The following ZNF865 variants were observed in gnomAD, a reference collection of about 807,000 sequenced individuals.
ZNF865 encodes zinc finger protein 865.
For missense variants in ZNF865, 1,311 were observed against 1,593.4 expected (o/e 0.82, Z 3.02); for synonymous variants, 763 against 750.8 (o/e 1.02, Z -0.27).
intron 1 of ZNF865, among the ~76,000 whole-genome samples, chr19:55,606,356 A>AC (rs138216369): frequency 0.029 from 4,303 of 150,262 alleles, 97 homozygotes; most frequent in Middle Eastern, 0.058. Context: ...TTTCAAAGCC[A>AC]CCCCCCCATC....
At position 55,614,878 on chromosome 19, in the gene ZNF865, C is replaced by G; in HGVS notation, c.1260C>G (p.Ser420=). ...GICGKAFRDA[S]YLLKHQAAHA... ...GCGGGAAGGCCTTCCGCGACGCCTC[C>G]TACCTCCTCAAGCACCAGGCGGCCC... Residue 420 remains serine (S), a synonymous_variant, in exon 2 of 2, where the codon TCC becomes TCG. Transcript: ENST00000568956. This position sits in a 1 kb window ranked among gnomAD's most constrained non-coding sequence, Gnocchi z 8.0. 1 of 1,511,482 alleles carries G rather than the reference C, an allele frequency of 6.6e-7. No homozygotes were observed. Among genetic ancestry groups the G allele is most frequent in the Non-Finnish European group, 8.8e-7 (1 of 1,133,894 alleles). 93.6% of individuals were successfully genotyped at this position (1,511,482 alleles called of 1,614,324 possible). A position where few individuals can be genotyped will look rare whatever the true frequency, so the allele number is the denominator to read the frequency against.
At chr19:55,610,508 G>A (rs1981094474) in intron 1 of ZNF865, among the ~76,000 whole-genome samples, 1 of 152,178 alleles carries the variant, frequency 6.6e-6, no homozygotes, top group Non-Finnish European at 1.5e-5. Flanking sequence ...TGATCCTCCT[G>A]CCTTGGCCTC....
chr19:55,607,362 G>T (rs1036499825), intron 1 of ZNF865, among the ~76,000 whole-genome samples: 16 of 151,456 alleles, frequency 1.1e-4, no homozygotes, highest in Admixed American at 2.0e-4. Context: ...CAGTTGGGAA[G>T]GCCAAAGTGG....
Position 55,613,912 on chromosome 19 carries a change from G to GTCCTCC in ZNF865, c.306_311dup (p.Ser116_Ser117dup), listed in dbSNP as rs761424663. The GTCCTCC allele has an allele frequency of 1.0e-4, 158 of 1,510,776 alleles. No individual in the cohort carries two copies. The highest frequency in any genetic ancestry group is 5.5e-4 in the East Asian group (22 of 40,160). The allele number at this position is 1,510,776 out of a possible 1,614,324, so 93.6% of individuals were successfully genotyped here. A position where few individuals can be genotyped will look rare whatever the true frequency, so the allele number is the denominator to read the frequency against. On this transcript the variant is annotated inframe_insertion, in exon 2 of 2. Coordinates refer to ENST00000568956, the MANE Select transcript of ZNF865 (RefSeq NM_001195605.2). ...AGGTGCCCTCCTCGTCCTCGTCCTC[G>GTCCTCC]TCCTCCTCCTCCTCCTCTTCGTCCT...
chr19:55,614,441 A>G lies in ZNF865; in HGVS notation c.823A>G (p.Lys275Glu). The G allele has an allele frequency of 6.9e-7, 1 of 1,445,232 alleles. No individual in the cohort carries two copies. The highest frequency in any genetic ancestry group is 9.1e-7 in the Non-Finnish European group (1 of 1,100,490). The allele number at this position is 1,445,232 out of a possible 1,614,324, so 89.5% of individuals were successfully genotyped here. The change falls in exon 2 of 2, where the codon AAG becomes GAG. Residue 275 changes from lysine (K) to glutamate (E), a missense_variant. Physicochemically the swap from Lys to Glu is moderately conservative, Grantham distance 56 (BLOSUM62 1). Coordinates refer to ENST00000568956, the MANE Select transcript of ZNF865 (RefSeq NM_001195605.2). This position sits in a 1 kb window ranked among gnomAD's most constrained non-coding sequence, Gnocchi z 8.0. ...CCTCATCCGCCACCGCCGCTGCCAC[A>G]AGGACGTGCCACCGGCCGCGGGGGG... is the stretch of plus-strand genomic sequence containing the variant. The part of the protein sequence containing the change: ...SSLIRHRRCH[K>E]DVPPAAGGPP...
At chr19:55,613,477 C>A in intron 1 of ZNF865, 116 bp from the exon 2 acceptor site, 3 of 1,003,188 alleles carry the variant, frequency 3.0e-6, no homozygotes, top group Non-Finnish European at 4.2e-6. Context: ...AAGCCTAAAT[C>A]TGGAAGGCTA....
Position 55,614,165 on chromosome 19 carries a change from G to T in ZNF865, c.547G>T (p.Ala183Ser). The T allele has an allele frequency of 6.9e-7, 1 of 1,453,642 alleles. No homozygotes were observed. Among genetic ancestry groups the T allele is most frequent in the Non-Finnish European group, 9.0e-7 (1 of 1,112,438 alleles). The allele number at this position is 1,453,642 out of a possible 1,614,324, so 90.0% of individuals were successfully genotyped here. The change falls in exon 2 of 2, where the codon GCC becomes TCC. Residue 183 changes from alanine to serine, a missense_variant. By Grantham distance (99) the Ala-to-Ser change is moderately conservative. Transcript: ENST00000568956. The surrounding 1 kb of genome is among the most constrained non-coding windows in gnomAD (Gnocchi z 8.0). ...GCCTGGGCTGGGCGCTCCCGCGGGG[G>T]CCCCAGGGCCGCTTCCTGCCCCCTC... ...VTPGLGAPAG[A>S]PGPLPAPSQT...
In ZNF865 at chr19:55,611,326, C is replaced by T. The variant is rs528567666; in HGVS notation, c.-26-2267C>T. ...AGACAAGCTAGTCAGGGGCTTCTTT[C>T]CCCAAACACTCTTGCCCTCCCTCCC... is the stretch of plus-strand genomic sequence containing the variant. On this transcript the variant is annotated intron_variant, in intron 1 of 1. Coordinates refer to ENST00000568956, the MANE Select transcript of ZNF865 (RefSeq NM_001195605.2). This position sits in a 1 kb window ranked among gnomAD's most constrained non-coding sequence, Gnocchi z 4.5. 1.3e-5 allele frequency among the ~76,000 whole-genome samples: 2 copies of T among 152,198 alleles called. No individual in the cohort carries two copies. Among genetic ancestry groups the T allele is most frequent in the East Asian group, 1.9e-4 (1 of 5,172 alleles).
chr19:55,613,912 G>A lies in ZNF865; in HGVS notation c.294G>A (p.Ser98=), dbSNP rs754806006. 3.3e-6 allele frequency: 5 copies of A among 1,510,688 alleles called. No individual in the cohort carries two copies. The highest frequency in any genetic ancestry group is 3.5e-6 in the Non-Finnish European group (4 of 1,127,372). The allele number at this position is 1,510,688 out of a possible 1,614,324, so 93.6% of individuals were successfully genotyped here. Residue 98 remains serine, a synonymous_variant, in exon 2 of 2, where the codon TCG becomes TCA. Transcript: ENST00000568956. The part of the protein sequence containing the change: ...KAEVPSSSSS[S]SSSSSSSSSS... ...AGGTGCCCTCCTCGTCCTCGTCCTC[G>A]TCCTCCTCCTCCTCCTCTTCGTCCT...
intron 1 of ZNF865, chr19:55,612,831 G>C (rs1433688184): frequency 6.6e-6 from 1 of 152,306 alleles, no homozygotes; most frequent in African/African-American, 2.4e-5. Context: ...TCAGTCACTT[G>C]CCCGTGGCCA....
Position 55,614,201 on chromosome 19 carries a change from C to T in ZNF865, c.583C>T (p.Pro195Ser), listed in dbSNP as rs1365636120. ...GCTTCCTGCCCCCTCGCAGACCCCG[C>T]CAGGACCCCCCGCGGCGGCGGCCTG... ...GPLPAPSQTP[P>S]GPPAAAACDP... Residue 195 changes from proline (P) to serine (S), a missense_variant, in exon 2 of 2, where the codon CCA (proline) becomes TCA (serine). Transcript: ENST00000568956. The surrounding 1 kb of genome is among the most constrained non-coding windows in gnomAD (Gnocchi z 8.0). The T allele has an allele frequency of 1.3e-6, 2 of 1,505,706 alleles. No individual in the cohort carries two copies. Among genetic ancestry groups the T allele is most frequent in the Non-Finnish European group, 1.8e-6 (2 of 1,133,196 alleles). 93.3% of individuals were successfully genotyped at this position (1,505,706 alleles called of 1,614,324 possible).
rs1981282310 is a variant in ZNF865 at position 55,614,703 on chromosome 19, C to T, written c.1085C>T (p.Pro362Leu). ...CTCTGCTGGAAGGTTTTCAAGAAGC[C>T]CAGTCACCTCCACCAGCACCAGATC... ...CPLCWKVFKKPSHLHQHQIIH... is the reference protein window; with the variant it reads ...CPLCWKVFKKLSHLHQHQIIH... Residue 362 changes from proline to leucine, a missense_variant, in exon 2 of 2, where the codon CCC (proline) becomes CTC (leucine). Physicochemically the swap from Pro to Leu is moderately conservative, Grantham distance 98. Coordinates refer to ENST00000568956, the MANE Select transcript of ZNF865 (RefSeq NM_001195605.2). The surrounding 1 kb of genome is among the most constrained non-coding windows in gnomAD (Gnocchi z 8.0). 1 of 1,581,252 alleles carries T rather than the reference C, an allele frequency of 6.3e-7. No individual in the cohort carries two copies. The highest frequency in any genetic ancestry group is 1.3e-5 in the African/African-American group (1 of 74,264).
At chr19:55,609,560 A>T (rs1339925806) in intron 1 of ZNF865, among the ~76,000 whole-genome samples, 1 of 152,204 alleles carries the variant, frequency 6.6e-6, no homozygotes, top group East Asian at 1.9e-4. Context: ...AACGGCCCAC[A>T]GTCTGGCATC....
chr19:55,612,267 G>T (rs926197472), intron 1 of ZNF865, among the ~76,000 whole-genome samples: 1 of 151,982 alleles, frequency 6.6e-6, no homozygotes, highest in Non-Finnish European at 1.5e-5. Flanking sequence ...TTTGAACCCA[G>T]GTCTGTCCAA....
chr19:55,607,889 T>A (rs1980999368), intron 1 of ZNF865, among the ~76,000 whole-genome samples: 1 of 152,188 alleles, frequency 6.6e-6, no homozygotes, highest in Non-Finnish European at 1.5e-5. Flanking sequence ...CATTCACTTC[T>A]TCAAACAAAA....
chr19:55,615,936 C>G lies in ZNF865; in HGVS notation c.2318C>G (p.Ala773Gly), dbSNP rs1376024537. Residue 773 changes from alanine (A) to glycine (G), a missense_variant, in exon 2 of 2, where the codon GCA becomes GGA. By Grantham distance (60) the Ala-to-Gly change is moderately conservative (BLOSUM62 0). Transcript: ENST00000568956. ...GCAGGGGTGTCTGGGGGTGAGGACG[C>G]AGGCGGGGCGGCGGTGGCAGGTGCT... is the stretch of plus-strand genomic sequence containing the variant. ...ALAGVSGGEDAGGAAVAGAGG... is the reference protein window; with the variant it reads ...ALAGVSGGEDGGGAAVAGAGG... The G allele has an allele frequency of 6.7e-7, 1 of 1,502,626 alleles. No individual in the cohort carries two copies. The highest frequency in any genetic ancestry group is 1.4e-5 in the African/African-American group (1 of 70,422). 93.1% of individuals were successfully genotyped at this position (1,502,626 alleles called of 1,614,324 possible).
Position 55,615,737 on chromosome 19 carries a change from G to C in ZNF865, c.2119G>C (p.Gly707Arg). The C allele has an allele frequency of 6.5e-7, 1 of 1,533,688 alleles. No homozygotes were observed. The highest frequency in any genetic ancestry group is 8.7e-7 in the Non-Finnish European group (1 of 1,145,890). ...YGCDACGKTFGFIENLMWHKL... is the reference protein window; with the variant it reads ...YGCDACGKTFRFIENLMWHKL... ...CTGCGACGCCTGCGGCAAGACCTTCGGCTTCATCGAGAACCTCATGTGGCA... is the reference window on the plus strand; with the variant it reads ...CTGCGACGCCTGCGGCAAGACCTTCCGCTTCATCGAGAACCTCATGTGGCA... The change falls in exon 2 of 2, where the codon GGC becomes CGC. Residue 707 changes from glycine to arginine, a missense_variant. Transcript: ENST00000568956.
chr19:55,609,540 G>C (rs1324040695), intron 1 of ZNF865, among the ~76,000 whole-genome samples: 1 of 152,184 alleles, frequency 6.6e-6, no homozygotes, highest in Non-Finnish European at 1.5e-5. Flanking sequence ...AGGCAGCGTT[G>C]TTGCAGCAGA....
Position 55,615,573 on chromosome 19 carries a change from G to A in ZNF865, c.1955G>A (p.Cys652Tyr). 2 of 1,528,838 alleles carry A rather than the reference G, an allele frequency of 1.3e-6. No individual in the cohort carries two copies. Among genetic ancestry groups the A allele is most frequent in the Non-Finnish European group, 1.7e-6 (2 of 1,143,654 alleles). The allele number at this position is 1,528,838 out of a possible 1,614,324, so 94.7% of individuals were successfully genotyped here. A position where few individuals can be genotyped will look rare whatever the true frequency, so the allele number is the denominator to read the frequency against. Residue 652 changes from cysteine to tyrosine, a missense_variant, in exon 2 of 2, where the codon TGT becomes TAT. Coordinates refer to ENST00000568956, the MANE Select transcript of ZNF865 (RefSeq NM_001195605.2). ...LPSTQGTPGA[C>Y]GPGASGTSAG... ...TCCACCCAAGGCACACCGGGGGCCT[G>A]TGGGCCCGGGGCCTCGGGCACGTCT...
Sources: gnomAD v4.1 joint callset for allele counts (sites outside exome capture counted in the v4.1 genomes callset) on GRCh38, gnomAD v4.1.1 for gene constraint, Gnocchi (gnomAD v3.1) non-coding constraint, MANE v1.5 for transcripts, NCBI Gene and HGNC (gene_info 2026-07-23, HGNC 2026-07-21) for gene names.